FAM20C: variants seen among roughly 807,000 people sequenced by gnomAD.
FAM20C encodes FAM20C golgi associated secretory pathway kinase.
A neutral mutation model predicts 51.5 loss-of-function variants in FAM20C; 40 were observed. The ratio of observed to expected loss-of-function variants is 0.78; its 90% CI spans 0.60 to 1.01. FAM20C has a LOEUF of 1.01. Among genes scored for constraint, FAM20C ranks in the 50% least tolerant of loss-of-function variants. The pLI is 0.00. For missense variants in FAM20C, 861 were observed against 844.7 expected (o/e 1.02, Z -0.24); for synonymous variants, 406 against 380.6 (o/e 1.07, Z -0.78).
intron 5 of FAM20C, among the ~76,000 whole-genome samples, chr7:254,158 C>G (rs150495173): frequency 0.031 from 4,651 of 152,216 alleles, 88 homozygotes; most frequent in African/African-American, 0.041. Context: ...GGGGCCAGGT[C>G]GGCCTGGCAC....
intron 2 of FAM20C, among the ~76,000 whole-genome samples, chr7:201,522 C>A (rs1786126948): frequency 6.6e-6 from 1 of 152,230 alleles, no homozygotes; most frequent in Non-Finnish European, 1.5e-5. Context: ...ACACACCTCT[C>A]TCTTTCAGGG....
At chr7:228,307 G>C (rs1019220708) in intron 3 of FAM20C, 2 of 373,266 alleles carry the variant, frequency 5.4e-6, no homozygotes, top group South Asian at 1.9e-5. Flanking sequence ...GGGTTCCGAA[G>C]AAGGCAGGTT....
In FAM20C at chr7:246,219, C is replaced by T. The variant is rs1381713499; in HGVS notation, c.864-196C>T. On this transcript the variant is annotated intron_variant, in intron 3 of 9. Transcript: ENST00000313766. The stretch of plus-strand genomic sequence containing the variant: ...ACGGGGAGCTGGGACCCCCGGCCTC[C>T]GTCGCACGTGCCTGCGCTGCTCTGA... 9.0e-6 allele frequency: 5 copies of T among 557,710 alleles called. 1 individual carries two copies. The highest frequency in any genetic ancestry group is 4.1e-5 in the South Asian group (2 of 48,836). The allele number at this position is 557,710 out of a possible 1,614,324, so 34.5% of individuals were successfully genotyped here.
intron 5 of FAM20C, among the ~76,000 whole-genome samples, chr7:255,250 G>A (rs1456909646): frequency 6.6e-6 from 1 of 152,160 alleles, no homozygotes. Flanking sequence ...GCCGGCAGCT[G>A]CTCTTTTGAT....
intron 3 of FAM20C, among the ~76,000 whole-genome samples, chr7:214,856 C>T (rs981990647): frequency 6.6e-6 from 1 of 152,156 alleles, no homozygotes; most frequent in Admixed American, 6.5e-5. Flanking sequence ...CATGCGGCGG[C>T]TGCCCATGAC....
rs1385311299 is a variant in FAM20C, at chr7:193,092, G to A, written c.-108G>A. ...ACAGCCCCGGAGCTGGTAGCCGCCC[G>A]GCACCGATGGACCTTGACCCGCGAG... On this transcript the variant is annotated 5_prime_UTR_variant, in exon 1 of 10. Transcript: ENST00000313766. 8 of 1,028,408 alleles carry A rather than the reference G, an allele frequency of 7.8e-6. No individual in the cohort carries two copies. In the African/African-American group the frequency reaches 8.7e-5, roughly 11 times the overall value. 63.7% of individuals were successfully genotyped at this position (1,028,408 alleles called of 1,614,324 possible). A position where few individuals can be genotyped will look rare whatever the true frequency, so the allele number is the denominator to read the frequency against.
At chr7:225,991 C>G (rs906518899) in intron 3 of FAM20C, among the ~76,000 whole-genome samples, 5 of 151,710 alleles carry the variant, frequency 3.3e-5, no homozygotes, top group Admixed American at 1.3e-4. Flanking sequence ...CGCACGGCGG[C>G]TGTCCCCTGA....
At chr7:254,508 G>A (rs954438816) in intron 5 of FAM20C, among the ~76,000 whole-genome samples, 4 of 152,256 alleles carry the variant, frequency 2.6e-5, no homozygotes, top group African/African-American at 9.6e-5. Flanking sequence ...GAATAGCGCC[G>A]TCGGCCGGGC....
chr7:227,488 A>G (rs1183840958), intron 3 of FAM20C: 1 of 152,048 alleles, frequency 6.6e-6, no homozygotes, highest in Admixed American at 6.6e-5. Context: ...TTAAACATCT[A>G]GGGCTCCACG....
intron 5 of FAM20C, among the ~76,000 whole-genome samples, chr7:249,883 C>T (rs1041456752): frequency 3.3e-5 from 5 of 152,166 alleles, no homozygotes; most frequent in Admixed American, 6.5e-5. Context: ...TCTGGGGACA[C>T]TCTCCTACCT....
At position 259,740 on chromosome 7, in the gene FAM20C, G is replaced by T; in HGVS notation, c.1515G>T (p.Lys505Asn). ...CCCCTCTCCTCCCCAGGATCCGGAAGTCCACCTACCTGCGTCTGCAGCTCC... is the reference window on the plus strand; with the variant it reads ...CCCCTCTCCTCCCCAGGATCCGGAATTCCACCTACCTGCGTCTGCAGCTCC... ...VPLQQCCRIR[K>N]STYLRLQLLA... The change falls in exon 10 of 10, where the codon AAG becomes AAT. Residue 505 changes from lysine to asparagine, a missense_variant. Physicochemically the swap from Lys to Asn is moderately conservative, Grantham distance 94 (BLOSUM62 0). Transcript: ENST00000313766. 1 of 1,534,284 alleles carries T rather than the reference G, an allele frequency of 6.5e-7. No homozygotes were observed. Among genetic ancestry groups the T allele is most frequent in the Admixed American group, 2.0e-5 (1 of 50,876 alleles).
At chr7:205,663 C>T (rs573361483) in intron 2 of FAM20C, among the ~76,000 whole-genome samples, 2 of 152,240 alleles carry the variant, frequency 1.3e-5, no homozygotes, top group East Asian at 3.9e-4. Flanking sequence ...GTGGCTGCGC[C>T]GGGCTTGGGA....
At chr7:222,504 G>A (rs758068522) in intron 3 of FAM20C, among the ~76,000 whole-genome samples, 11 of 152,174 alleles carry the variant, frequency 7.2e-5, no homozygotes, top group Admixed American at 2.6e-4. Context: ...CCCAGGGCTG[G>A]CACTGAGAGG....
At chr7:217,450 G>C (rs905292868) in intron 3 of FAM20C, among the ~76,000 whole-genome samples, 3 of 4,474 alleles carry the variant, frequency 6.7e-4, no homozygotes, top group African/African-American at 2.5e-3. Context: ...GTGCATCAAG[G>C]GGGTAACATG....
intron 5 of FAM20C, among the ~76,000 whole-genome samples, chr7:250,771 T>A (rs970069710): frequency 1.3e-5 from 2 of 152,228 alleles, no homozygotes; most frequent in African/African-American, 4.8e-5. Context: ...TGGGCTCCGC[T>A]CCAGTGATGC....
chr7:220,530 C>T (rs565928017), intron 3 of FAM20C, among the ~76,000 whole-genome samples: 1 of 152,200 alleles, frequency 6.6e-6, no homozygotes, highest in Non-Finnish European at 1.5e-5. Flanking sequence ...CGTTGTTCCA[C>T]TGACCTTCTG....
chr7:211,878 C>T (rs1423041210), intron 3 of FAM20C, among the ~76,000 whole-genome samples: 2 of 152,198 alleles, frequency 1.3e-5, no homozygotes, highest in Admixed American at 6.5e-5. Context: ...ACACCTCAGG[C>T]GGGCGGGCGT....
At chr7:197,316 G>C (rs74674686) in intron 2 of FAM20C, 1 of 167,042 alleles carries the variant, frequency 6.0e-6, no homozygotes, top group Non-Finnish European at 1.5e-5. Context: ...CAGCCAGGCC[G>C]TGTGGAGAGG....
chr7:217,400 C>T (rs79101159), intron 3 of FAM20C, among the ~76,000 whole-genome samples: 15 of 146,044 alleles, frequency 1.0e-4, no homozygotes, highest in African/African-American at 3.9e-4. Flanking sequence ...CAGCCCCTCC[C>T]GGGTGCCCCC....
Sources: allele counts gnomAD v4.1 joint callset (sites outside exome capture counted in the v4.1 genomes callset), GRCh38; gene constraint gnomAD v4.1.1; transcripts MANE v1.5; gene names NCBI Gene and HGNC (gene_info 2026-07-23, HGNC 2026-07-21).